Variants in OR9Q1 observed in about 807,000 individuals in gnomAD.
OR9Q1 encodes olfactory receptor family 9 subfamily Q member 1, also known as olfactory receptor 9Q1.
For synonymous variants in OR9Q1, 153 were observed against 148.6 expected (o/e 1.03, Z -0.22); for missense variants, 374 against 378.8 (o/e 0.99, Z 0.11).
At chr11:58,092,453 G>C (rs1238917610) in intron 2 of OR9Q1, among the ~76,000 whole-genome samples, 2 of 151,338 alleles carry the variant, frequency 1.3e-5, no homozygotes, top group African/African-American at 4.9e-5. Context: ...TATATATTTT[G>C]AATGTTTCAT....
At chr11:58,064,171 G>T (rs1853407080) in intron 2 of OR9Q1, among the ~76,000 whole-genome samples, 1 of 152,166 alleles carries the variant, frequency 6.6e-6, no homozygotes, top group Non-Finnish European at 1.5e-5. Flanking sequence ...AAGGAGGGTT[G>T]GTGACCTCAC....
rs769445494 is a variant in OR9Q1 at position 58,074,514 on chromosome 11, C to T, written c.-15+18567C>T. Among the ~76,000 whole-genome samples, 9 of 150,952 alleles carry T rather than the reference C, an allele frequency of 6.0e-5. No individual in the cohort carries two copies. In the South Asian group the frequency reaches 8.7e-4, roughly 15 times the overall value. ...TAGATTCTGGATATTAGACTTTTGT[C>T]GGATGGATAGATTGCAACAATTTTC... On this transcript the variant is annotated intron_variant, in intron 2 of 2. Transcript: ENST00000335397.
At chr11:58,056,483 T>C (rs1302087060) in intron 2 of OR9Q1, among the ~76,000 whole-genome samples, 1 of 152,186 alleles carries the variant, frequency 6.6e-6, no homozygotes, top group Non-Finnish European at 1.5e-5. Context: ...TTTTAAGTAG[T>C]TGAAAAAAAT....
chr11:58,068,289 A>G (rs1165663017), intron 2 of OR9Q1, among the ~76,000 whole-genome samples: 3 of 150,908 alleles, frequency 2.0e-5, no homozygotes, highest in Non-Finnish European at 3.0e-5. Flanking sequence ...TGGAGGCTGT[A>G]GTGAGCTGAG....
intron 2 of OR9Q1, among the ~76,000 whole-genome samples, chr11:58,094,220 T>G (rs1295834405): frequency 6.6e-6 from 1 of 152,128 alleles, no homozygotes; most frequent in Admixed American, 6.5e-5. Context: ...TGTTCTTACT[T>G]ATAAATGGGA....
At chr11:58,056,768 A>G (rs1157344080) in intron 2 of OR9Q1, among the ~76,000 whole-genome samples, 1 of 152,134 alleles carries the variant, frequency 6.6e-6, no homozygotes, top group East Asian at 1.9e-4. Flanking sequence ...CTTATGCTTC[A>G]CACTAATATA....
intron 2 of OR9Q1, among the ~76,000 whole-genome samples, chr11:58,066,240 C>T (rs1166394989): frequency 1.3e-5 from 2 of 152,160 alleles, no homozygotes; most frequent in Non-Finnish European, 1.5e-5. Flanking sequence ...GGGTCGCAGC[C>T]CGGATGAACA....
chr11:58,109,694 T>C (rs1853880668), intron 2 of OR9Q1: 1 of 404,808 alleles, frequency 2.5e-6, no homozygotes, highest in Non-Finnish European at 4.9e-6. Context: ...CTGAAGAAGA[T>C]AATGAAATTG....
intron 2 of OR9Q1, among the ~76,000 whole-genome samples, chr11:58,104,341 G>A (rs1853819642): frequency 8.2e-6 from 1 of 121,814 alleles, no homozygotes; most frequent in African/African-American, 2.7e-5. Context: ...ATTCTCAGTT[G>A]GATGGTAGTT....
chr11:58,114,188 TC>T (rs1354425228), intron 2 of OR9Q1, among the ~76,000 whole-genome samples: 14 of 152,174 alleles, frequency 9.2e-5, no homozygotes, highest in African/African-American at 3.4e-4. Flanking sequence ...TCATAGGTCC[TC>T]CAGGTGCCCA....
At chr11:58,177,219 C>G (rs1344491803) in intron 2 of OR9Q1, among the ~76,000 whole-genome samples, 1 of 152,162 alleles carries the variant, frequency 6.6e-6, no homozygotes, top group Non-Finnish European at 1.5e-5. Context: ...GACTGCAGAG[C>G]TGGTATTTAT....
At chr11:58,033,278 G>A (rs10792128) in intron 1 of OR9Q1, among the ~76,000 whole-genome samples, 39,647 of 151,724 alleles carry the variant, frequency 0.26, 5,729 homozygotes, top group East Asian at 0.61. Flanking sequence ...TAAAATAATC[G>A]TTCTATCAAA....
chr11:58,111,488 C>T (rs575136379), intron 2 of OR9Q1, among the ~76,000 whole-genome samples: 45 of 152,142 alleles, frequency 3.0e-4, no homozygotes, highest in Non-Finnish European at 4.0e-4. Flanking sequence ...GGAGGTCCAT[C>T]GCCTTTAGTT....
At chr11:58,048,189 G>C (rs1490697843) in intron 1 of OR9Q1, among the ~76,000 whole-genome samples, 1 of 152,092 alleles carries the variant, frequency 6.6e-6, no homozygotes, top group African/African-American at 2.4e-5. Flanking sequence ...GTGCCAGTTA[G>C]GATTGGTACC....
chr11:58,080,891 A>C (rs1044456083), intron 2 of OR9Q1, among the ~76,000 whole-genome samples: 28 of 152,154 alleles, frequency 1.8e-4, no homozygotes, highest in African/African-American at 6.8e-4. Flanking sequence ...ATAGGTATAC[A>C]TGTGCCATGT....
chr11:58,064,817 C>A (rs536974449), intron 2 of OR9Q1, among the ~76,000 whole-genome samples: 776 of 152,168 alleles, frequency 5.1e-3, no homozygotes, highest in Non-Finnish European at 8.6e-3. Context: ...CAGGGAGTCC[C>A]TCCTTGGGAG....
At chr11:58,155,121 G>A (rs1003198776) in intron 2 of OR9Q1, among the ~76,000 whole-genome samples, 2 of 152,190 alleles carry the variant, frequency 1.3e-5, no homozygotes, top group African/African-American at 4.8e-5. Context: ...AATTTGCAGA[G>A]CAGGTGGCAG....
At chr11:58,134,101 A>G (rs1854168637) in intron 2 of OR9Q1, among the ~76,000 whole-genome samples, 1 of 152,160 alleles carries the variant, frequency 6.6e-6, no homozygotes, top group Admixed American at 6.5e-5. Flanking sequence ...GAGGTTAGGG[A>G]TGAAAGGGCC....
chr11:58,112,173 A>G (rs1853908001), intron 2 of OR9Q1, among the ~76,000 whole-genome samples: 2 of 152,030 alleles, frequency 1.3e-5, no homozygotes, highest in Admixed American at 1.3e-4. Flanking sequence ...TGTGCTTGTA[A>G]TCCCAATTAC....
Sources: gnomAD v4.1 joint callset for allele counts (sites outside exome capture counted in the v4.1 genomes callset) on GRCh38, gnomAD v4.1.1 for gene constraint, MANE v1.5 for transcripts, NCBI Gene and HGNC (gene_info 2026-07-23, HGNC 2026-07-21) for gene names.